Variants in PDE6B observed in about 807,000 individuals in gnomAD.
PDE6B encodes the protein phosphodiesterase 6B.
Under a neutral mutation model 109.0 loss-of-function variants are expected in PDE6B, and 106 were observed. The observed-to-expected ratio is 0.97, with a 90% confidence interval of 0.83 to 1.14. The LOEUF is 1.14. Among genes scored for constraint, PDE6B ranks in the 50% most tolerant of loss-of-function variants. The pLI, the probability that PDE6B is intolerant of heterozygous loss-of-function variation, is 0.00. For synonymous variants in PDE6B, 490 were observed against 471.3 expected, an observed-to-expected ratio of 1.04 and a Z score of -0.51; for missense variants, 1,193 against 1,155.6, an observed-to-expected ratio of 1.03 and a Z score of -0.47.
rs1734691332 is a variant in PDE6B, at chr4:636,533, A to T, written c.711+564A>T. Among the ~76,000 whole-genome samples the T allele has an allele frequency of 6.6e-6, 1 of 151,418 alleles. No individual in the cohort carries two copies. Among genetic ancestry groups the T allele is most frequent in the Non-Finnish European group, 1.5e-5 (1 of 67,824 alleles). The stretch of plus-strand genomic sequence containing the variant: ...AGGGCAGGTGGTCCTCCCGTCTGAG[A>T]CCCTGGCTCAGGGGAGACCTGGATG... On this transcript the variant is annotated intron_variant, in intron 3 of 21. Coordinates refer to ENST00000496514, the MANE Select transcript of PDE6B (RefSeq NM_000283.4). The surrounding 1 kb of genome is among the most constrained non-coding windows in gnomAD (Gnocchi z 4.5).
intron 21 of PDE6B, 71 bp downstream of exon 21, chr4:668,077 C>G (rs1355165986): frequency 3.5e-6 from 5 of 1,433,502 alleles, no homozygotes; most frequent in Non-Finnish European, 4.8e-6. Context: ...AGACAGGGCA[C>G]AGAGCAGAGT....
chr4:641,715 C>T (rs191807585), intron 3 of PDE6B, among the ~76,000 whole-genome samples: 430 of 152,332 alleles, frequency 2.8e-3, no homozygotes, highest in Non-Finnish European at 4.5e-3. Flanking sequence ...GGTGCAATCT[C>T]AGCTCACTGC....
rs1737802626 is a variant in PDE6B at position 666,453 on chromosome 4, G to A, written c.2269-78G>A. ...TGTCTCCATGAGCACATCTGAGTGAGGGGGTCGGGGGGCTGGGCGGGGCCC... is the reference window on the plus strand; with the variant it reads ...TGTCTCCATGAGCACATCTGAGTGAAGGGGTCGGGGGGCTGGGCGGGGCCC... On this transcript the variant is annotated intron_variant, in intron 19 of 21. Coordinates refer to ENST00000496514, the MANE Select transcript of PDE6B (RefSeq NM_000283.4). This position sits in a 1 kb window ranked among gnomAD's most constrained non-coding sequence, Gnocchi z 5.6. The A allele has an allele frequency of 1.1e-6, 1 of 909,020 alleles. No homozygotes were observed. Among genetic ancestry groups the A allele is most frequent in the East Asian group, 2.4e-5 (1 of 41,630 alleles). 56.3% of individuals were successfully genotyped at this position (909,020 alleles called of 1,614,324 possible). A position where few individuals can be genotyped will look rare whatever the true frequency, so the allele number is the denominator to read the frequency against.
chr4:647,998 C>T (rs1735291035), intron 3 of PDE6B, among the ~76,000 whole-genome samples: 1 of 151,878 alleles, frequency 6.6e-6, no homozygotes, highest in Admixed American at 6.6e-5. Context: ...TTGCTTGAAC[C>T]CGGGAGGCAG....
intron 3 of PDE6B, among the ~76,000 whole-genome samples, chr4:637,209 G>A (rs1282176048): frequency 6.6e-6 from 1 of 151,612 alleles, no homozygotes; most frequent in Non-Finnish European, 1.5e-5. Context: ...TCACTGTGGG[G>A]TTTTGCTTTG....
At chr4:632,166 G>A (rs962126812) in intron 1 of PDE6B, among the ~76,000 whole-genome samples, 10 of 152,102 alleles carry the variant, frequency 6.6e-5, no homozygotes, top group African/African-American at 2.4e-4. Flanking sequence ...TATATGTCCA[G>A]GTGTCACGCT....
rs370187319 is a variant in PDE6B at position 625,847 on chromosome 4, G to T, written c.221G>T (p.Arg74Leu). ...QDMQESINME[R>L]VVFKVLRRLC... ...ATGCAGGAGAGCATCAACATGGAGC[G>T]CGTGGTCTTCAAGGTCCTGCGGCGC... is the stretch of plus-strand genomic sequence containing the variant. Residue 74 changes from arginine to leucine, a missense_variant, in exon 1 of 22, where the codon CGC becomes CTC. By Grantham distance (102) the Arg-to-Leu change is moderately radical. Transcript: ENST00000496514. This position sits in a 1 kb window ranked among gnomAD's most constrained non-coding sequence, Gnocchi z 5.0. 1 of 1,612,504 alleles carries T rather than the reference G, an allele frequency of 6.2e-7. No homozygotes were observed. The highest frequency in any genetic ancestry group is 1.1e-5 in the South Asian group (1 of 90,986).
rs574553709 is a variant in PDE6B at position 657,119 on chromosome 4, T to C, written c.1257+96T>C. On this transcript the variant is annotated intron_variant, in intron 9 of 21. Transcript: ENST00000496514. The stretch of plus-strand genomic sequence containing the variant: ...CCTCCCCGCCAAGCATTCGGCTGTG[T>C]GCGTGTGCTCATGTGTGTGCGGTAT... The C allele has an allele frequency of 8.2e-5, 110 of 1,344,630 alleles. No individual in the cohort carries two copies. In the East Asian group the frequency reaches 2.4e-3, roughly 30 times the overall value. The allele number at this position is 1,344,630 out of a possible 1,614,324, so 83.3% of individuals were successfully genotyped here. A position where few individuals can be genotyped will look rare whatever the true frequency, so the allele number is the denominator to read the frequency against.
At chr4:664,030 C>T in intron 16 of PDE6B, 84 bp from the exon 17 acceptor site, 2 of 1,179,938 alleles carry the variant, frequency 1.7e-6, no homozygotes, top group Non-Finnish European at 2.5e-6. Flanking sequence ...CTCGCTCGGG[C>T]TCCGCGCCTC....
intron 3 of PDE6B, among the ~76,000 whole-genome samples, chr4:641,214 A>G (rs539884786): frequency 1.2e-4 from 18 of 152,386 alleles, no homozygotes; most frequent in African/African-American, 3.8e-4. Flanking sequence ...TCCTTTTATC[A>G]GAATTTTGCA....
In PDE6B at chr4:660,614, G is replaced by A; in HGVS notation, c.1614+1G>A. 6.2e-7 allele frequency: 1 copy of A among 1,613,522 alleles called. No homozygotes were observed. On this transcript the variant is annotated splice_donor_variant, in intron 12 of 21. Coordinates refer to ENST00000496514, the MANE Select transcript of PDE6B (RefSeq NM_000283.4). LOFTEE classifies it high-confidence loss of function. ...CCGAAAGTTCCAGATCCCCCAGGAG[G>A]TGGGAGACACCGCAGGGCGCATAGT...
At chr4:639,376 A>C (rs1197574282) in intron 3 of PDE6B, among the ~76,000 whole-genome samples, 2 of 152,128 alleles carry the variant, frequency 1.3e-5, no homozygotes, top group East Asian at 3.9e-4. Flanking sequence ...CAGTTCTGTG[A>C]TGTTTTTCTT....
At chr4:657,590 G>C in intron 10 of PDE6B, 96 bp downstream of exon 10, 1 of 1,253,400 alleles carries the variant, frequency 8.0e-7, no homozygotes, top group South Asian at 1.3e-5. Context: ...TCGGCTGTGT[G>C]GTGGGGGCAG....
chr4:652,798 G>A (rs573145290), intron 3 of PDE6B: 1 of 152,410 alleles, frequency 6.6e-6, no homozygotes, highest in African/African-American at 2.4e-5. Flanking sequence ...CGGCGTCCTG[G>A]AACCAATTTC....
intron 10 of PDE6B, among the ~76,000 whole-genome samples, chr4:658,727 C>T (rs1417471702): frequency 1.3e-5 from 2 of 152,154 alleles, no homozygotes; most frequent in South Asian, 4.1e-4. Context: ...CATCATTATA[C>T]CTGAGGACTG....
At chr4:637,887 G>A (rs1385546997) in intron 3 of PDE6B, among the ~76,000 whole-genome samples, 1 of 152,208 alleles carries the variant, frequency 6.6e-6, no homozygotes, top group African/African-American at 2.4e-5. Context: ...TGGGATGCCT[G>A]GGAGCTGTCC....
chr4:654,978 TC>T, intron 6 of PDE6B, 90 bp downstream of exon 6: 1 of 842,798 alleles, frequency 1.2e-6, no homozygotes. Flanking sequence ...TCCCAGGGCT[TC>T]CCACGGTGCA....
At chr4:667,818 C>A in intron 20 of PDE6B, 38 bp from the exon 21 acceptor site, 1 of 1,602,922 alleles carries the variant, frequency 6.2e-7, no homozygotes, top group South Asian at 1.1e-5. Context: ...AGAGAGCAGG[C>A]AGGACAGGAC....
Position 670,176 on chromosome 4 carries a change from G to A in PDE6B, c.*69G>A. 6.2e-7 allele frequency: 1 copy of A among 1,610,800 alleles called. No individual in the cohort carries two copies. Among genetic ancestry groups the A allele is most frequent in the Non-Finnish European group, 8.5e-7 (1 of 1,178,390 alleles). On this transcript the variant is annotated 3_prime_UTR_variant, in exon 22 of 22. Transcript: ENST00000496514. ...CACTAGGATTTGGGTTCTGCCTGTGGCTATTTGCTACAAGAGGTTAGGAAG... is the reference window on the plus strand; with the variant it reads ...CACTAGGATTTGGGTTCTGCCTGTGACTATTTGCTACAAGAGGTTAGGAAG...
Sources: allele counts gnomAD v4.1 joint callset (sites outside exome capture counted in the v4.1 genomes callset), GRCh38; gene constraint gnomAD v4.1.1; non-coding constraint Gnocchi (gnomAD v3.1); transcripts MANE v1.5; gene names NCBI Gene and HGNC (gene_info 2026-07-23, HGNC 2026-07-21).